CEACAM3: variants seen among roughly 807,000 people sequenced by gnomAD.
The protein encoded by CEACAM3 is CEA cell adhesion molecule 3, also known as cell adhesion molecule CEACAM3.
In CEACAM3, 32 loss-of-function variants were observed where a neutral mutation model predicts 30.1. The ratio of observed to expected loss-of-function variants is 1.06; its 90% CI spans 0.80 to 1.43. The LOEUF (loss-of-function observed/expected upper bound fraction) is 1.43. Ranked by LOEUF, CEACAM3 falls within the 40% of genes most tolerant of loss-of-function variation. The probability of loss-of-function intolerance (pLI) is 0.00; values close to 1 mark genes in which losing one functional copy is unlikely to be tolerated. For synonymous variants in CEACAM3, 134 were observed against 127.2 expected (o/e 1.05, Z -0.36); for missense variants, 290 against 316.3 (o/e 0.92, Z 0.63).
intron 2 of CEACAM3, among the ~76,000 whole-genome samples, chr19:41,808,356 T>C (rs1555827084): frequency 4.6e-5 from 7 of 152,064 alleles, no homozygotes; most frequent in Non-Finnish European, 4.4e-5. Context: ...TCCCTCAAGG[T>C]GATGTAAGGA....
rs1490692779 is a variant in CEACAM3, at chr19:41,808,865, G to T, written c.477G>T (p.Gly159=). 1 of 1,610,760 alleles carries T rather than the reference G, an allele frequency of 6.2e-7. No homozygotes were observed. Among genetic ancestry groups the T allele is most frequent in the Non-Finnish European group, 8.5e-7 (1 of 1,178,432 alleles). The stretch of plus-strand genomic sequence containing the variant: ...GGGCCGTCGCCGGCATCGTGACCGG[G>T]GTCCTGGTCGGAGTGGCGCTGGTGG... ...PVGAVAGIVT[G]VLVGVALVAA... Residue 159 remains glycine (G), a synonymous_variant, in exon 3 of 7, where the codon GGG becomes GGT. Transcript: ENST00000357396.
Position 41,796,631 on chromosome 19 carries a change from GC to G in CEACAM3, c.-44del. ...TAGCCCTGACTACAGCATTCCTGGA[GC>G]CCAGGCTCTTTTCCACAGAGGAGGA... On this transcript the variant is annotated 5_prime_UTR_variant, in exon 1 of 7. Coordinates refer to ENST00000357396, the MANE Select transcript of CEACAM3 (RefSeq NM_001815.5). 6.2e-7 allele frequency: 1 copy of G among 1,606,286 alleles called. No individual in the cohort carries two copies. The highest frequency in any genetic ancestry group is 8.5e-7 in the Non-Finnish European group (1 of 1,172,922).
chr19:41,808,007 A>T (rs1600522260), intron 2 of CEACAM3, among the ~76,000 whole-genome samples: 2 of 152,342 alleles, frequency 1.3e-5, no homozygotes, highest in East Asian at 3.9e-4. Flanking sequence ...GTACAATCAC[A>T]GTCAAGACAA....
At chr19:41,800,441 G>A (rs1246794575) in intron 2 of CEACAM3, among the ~76,000 whole-genome samples, 2 of 152,090 alleles carry the variant, frequency 1.3e-5, no homozygotes. Flanking sequence ...GGAGAGTTTA[G>A]AGAAGACTTT....
At position 41,799,419 on chromosome 19, in the gene CEACAM3, C is replaced by T. The variant is rs529501975; in HGVS notation, c.424+1471C>T. 3.9e-5 allele frequency among the ~76,000 whole-genome samples: 6 copies of T among 152,318 alleles called. No individual in the cohort carries two copies. In the South Asian group the frequency reaches 1.0e-3, roughly 26 times the overall value. On this transcript the variant is annotated intron_variant, in intron 2 of 6. Coordinates refer to ENST00000357396, the MANE Select transcript of CEACAM3 (RefSeq NM_001815.5). ...TTGCTGGGTCTCACCAGAAGCCGAG[C>T]AGACGCTGGTGCCATGCCTGTATAG...
At chr19:41,802,482 C>T (rs1475483697) in intron 2 of CEACAM3, among the ~76,000 whole-genome samples, 1 of 152,196 alleles carries the variant, frequency 6.6e-6, no homozygotes, top group Non-Finnish European at 1.5e-5. Context: ...GACAGAAACC[C>T]TGCAGAACCA....
rs2073239099 is a variant in CEACAM3, at chr19:41,810,344, C to G, written c.617C>G (p.Ser206Cys). The G allele has an allele frequency of 6.2e-7, 1 of 1,604,622 alleles. No homozygotes were observed. The highest frequency in any genetic ancestry group is 8.5e-7 in the Non-Finnish European group (1 of 1,176,176). The stretch of plus-strand genomic sequence containing the variant: ...CCAGGCCGTGGTCCCTCCCACAGCT[C>G]TGCCTTCTCGGTAAGCCTGTCCCCT... ...LAPGRGPSHS[S>C]AFSMSPLSTA... Residue 206 changes from serine to cysteine, a missense_variant, in exon 5 of 7, where the codon TCT (serine) becomes TGT (cysteine). Physicochemically the swap from Ser to Cys is moderately radical, Grantham distance 112 (BLOSUM62 -1). Coordinates refer to ENST00000357396, the MANE Select transcript of CEACAM3 (RefSeq NM_001815.5).
chr19:41,810,044 G>T, intron 4 of CEACAM3, 27 bp downstream of exon 4: 3 of 1,611,218 alleles, frequency 1.9e-6, no homozygotes, highest in South Asian at 2.2e-5. Context: ...CCCAGGTGTG[G>T]CTGGGAACCC....
At chr19:41,803,968 C>T (rs1341518540) in intron 2 of CEACAM3, among the ~76,000 whole-genome samples, 1 of 151,876 alleles carries the variant, frequency 6.6e-6, no homozygotes, top group East Asian at 1.9e-4. Context: ...ATAATCCCAG[C>T]TACTCAGGAG....
Position 41,807,139 on chromosome 19 carries a change from C to A in CEACAM3, c.425-1674C>A, listed in dbSNP as rs554570010. On this transcript the variant is annotated intron_variant, in intron 2 of 6. Coordinates refer to ENST00000357396, the MANE Select transcript of CEACAM3 (RefSeq NM_001815.5). Reference sequence around the variant, plus strand: ...AGCTGCCCAAGCCCTCCATCTCCAGCAACAACTCCAACCCCAAGGAGGACA... The same window carrying A: ...AGCTGCCCAAGCCCTCCATCTCCAGAAACAACTCCAACCCCAAGGAGGACA... 13 of 1,610,032 alleles carry A rather than the reference C, an allele frequency of 8.1e-6. No homozygotes were observed. In the African/African-American group the frequency reaches 1.7e-4, roughly 21 times the overall value.
At chr19:41,807,615 C>T (rs2073213819) in intron 2 of CEACAM3, 1 of 1,210,812 alleles carries the variant, frequency 8.3e-7, no homozygotes, top group Non-Finnish European at 1.0e-6. Context: ...ATGGGAGAAA[C>T]AGGTGAATAT....
Position 41,811,229 on chromosome 19 carries a change from G to T in CEACAM3, c.751G>T (p.Ala251Ser). 1 of 1,613,834 alleles carries T rather than the reference G, an allele frequency of 6.2e-7. No individual in the cohort carries two copies. Among genetic ancestry groups the T allele is most frequent in the Non-Finnish European group, 8.5e-7 (1 of 1,179,948 alleles). Residue 251 changes from alanine to serine, a missense_variant, in exon 7 of 7, where the codon GCT becomes TCT. By Grantham distance (99) the Ala-to-Ser change is moderately conservative (BLOSUM62 1). Transcript: ENST00000357396. ...CCGGATGGACCACAAAGCAGAAGTGGCTTCTTAGCTTCCTCCAGGAGCTGC... is the reference window on the plus strand; with the variant it reads ...CCGGATGGACCACAAAGCAGAAGTGTCTTCTTAGCTTCCTCCAGGAGCTGC... Reference protein sequence around the residue: ...YCRMDHKAEVAS With the variant: ...YCRMDHKAEVSS
intron 2 of CEACAM3, among the ~76,000 whole-genome samples, chr19:41,799,540 G>A (rs906998153): frequency 2.6e-5 from 4 of 152,132 alleles, no homozygotes; most frequent in African/African-American, 7.2e-5. Context: ...TAACACATTA[G>A]CCTAACCTAG....
chr19:41,807,376 G>T (rs1480097236), intron 2 of CEACAM3: 1 of 1,601,912 alleles, frequency 6.2e-7, no homozygotes, highest in Non-Finnish European at 8.5e-7. Flanking sequence ...ACCCAGTCAC[G>T]CTGAATGTCC....
chr19:41,800,766 T>C (rs909511046), intron 2 of CEACAM3, among the ~76,000 whole-genome samples: 4 of 152,140 alleles, frequency 2.6e-5, no homozygotes, highest in African/African-American at 4.8e-5. Flanking sequence ...TTACCTATCA[T>C]TGGAGATGAC....
chr19:41,797,998 C>T, intron 2 of CEACAM3, 50 bp downstream of exon 2: 2 of 1,560,564 alleles, frequency 1.3e-6, no homozygotes, highest in Non-Finnish European at 8.7e-7. Context: ...TTCTACTTCC[C>T]ACATATGGGA....
chr19:41,809,791 C>A (rs748548230), intron 3 of CEACAM3, 174 bp from the exon 4 acceptor site: 3 of 679,268 alleles, frequency 4.4e-6, no homozygotes, highest in Non-Finnish European at 8.0e-6. Context: ...ATGTGGGTTC[C>A]TAAAGCCTTT....
intron 1 of CEACAM3, 147 bp downstream of exon 1, chr19:41,796,888 A>C: frequency 1.3e-6 from 1 of 766,410 alleles, no homozygotes; most frequent in Non-Finnish European, 2.1e-6. Context: ...CACGGGTCAC[A>C]ACAAGACAAT....
In CEACAM3 at chr19:41,797,576, T is replaced by G. The variant is rs782287117; in HGVS notation, c.65-13T>G. The G allele has an allele frequency of 6.2e-7, 1 of 1,607,362 alleles. No homozygotes were observed. The highest frequency in any genetic ancestry group is 1.1e-5 in the South Asian group (1 of 90,298). On this transcript the variant is annotated splice_polypyrimidine_tract_variant and intron_variant, in intron 1 of 6. Transcript: ENST00000357396. ...ATGGGTCCCAATATTGACTGATGCTTTCTCCCTCCTAGCCTCACTTCTAAA... is the reference window on the plus strand; with the variant it reads ...ATGGGTCCCAATATTGACTGATGCTGTCTCCCTCCTAGCCTCACTTCTAAA...
Sources: allele counts gnomAD v4.1 joint callset (sites outside exome capture counted in the v4.1 genomes callset), GRCh38; gene constraint gnomAD v4.1.1; transcripts MANE v1.5; gene names NCBI Gene and HGNC (gene_info 2026-07-23, HGNC 2026-07-21).